Variants in PKD1 observed in about 807,000 individuals in gnomAD.
PKD1 encodes the protein polycystin-1.
In PKD1, 81 loss-of-function variants were observed where a neutral mutation model predicts 361.7. The observed-to-expected ratio is 0.22, with a 90% CI of 0.19 to 0.27. The LOEUF is 0.27. Among genes scored for constraint, PKD1 ranks in the 10% least tolerant of loss-of-function variants. The probability of loss-of-function intolerance (pLI) is 1.00; values close to 1 mark genes in which losing one functional copy is unlikely to be tolerated. For synonymous variants in PKD1, 3,615 were observed against 2,818.3 expected (o/e 1.28, Z -8.95); for missense variants, 6,399 against 6,118.3 (o/e 1.05, Z -1.53).
intron 14 of PKD1, among the ~76,000 whole-genome samples, chr16:2,112,137 C>T (rs1425301883): frequency 2.6e-5 from 4 of 152,206 alleles, no homozygotes; most frequent in African/African-American, 7.2e-5. Flanking sequence ...GGGCGGGGGG[C>T]GCAGTTCAGG....
Position 2,108,431 on chromosome 16 carries a change from G to C in PKD1, c.6736C>G (p.Gln2246Glu). 1.9e-6 allele frequency: 3 copies of C among 1,610,522 alleles called. No homozygotes were observed. The highest frequency in any genetic ancestry group is 2.5e-6 in the Non-Finnish European group (3 of 1,179,726). The change falls in exon 15 of 46, where the codon CAG becomes GAG. Residue 2246 changes from glutamine to glutamate, a missense_variant. Coordinates refer to ENST00000262304, the MANE Select transcript of PKD1 (RefSeq NM_001009944.3). The part of the protein sequence containing the change: ...FGDTPLTQSI[Q>E]ANVTVAPERL... ...TCGGGGGCCACCGTCACATTGGCCT[G>C]GATGCTCTGTGTCAGTGGCGTGTCC...
At position 2,106,227 on chromosome 16, in the gene PKD1, C is replaced by G; in HGVS notation, c.7567G>C (p.Glu2523Gln). The G allele has an allele frequency of 6.2e-7, 1 of 1,610,216 alleles. No individual in the cohort carries two copies. Among genetic ancestry groups the G allele is most frequent in the Non-Finnish European group, 8.5e-7 (1 of 1,179,548 alleles). Residue 2523 changes from glutamate to glutamine, a missense_variant, in exon 19 of 46, where the codon GAG (glutamate) becomes CAG (glutamine). Coordinates refer to ENST00000262304, the MANE Select transcript of PKD1 (RefSeq NM_001009944.3). The surrounding 1 kb of genome is among the most constrained non-coding windows in gnomAD (Gnocchi z 6.5). ...CTGCCCTTGTAGACACAGAACTCCT[C>G]GCAGTGGCCCTGGCGACAGCGCCGC... ...LLRRCRQGHC[E>Q]EFCVYKGSLS...
At chr16:2,121,575 GC>G (rs1458370863) in intron 1 of PKD1, among the ~76,000 whole-genome samples, 1 of 152,100 alleles carries the variant, frequency 6.6e-6, no homozygotes, top group Non-Finnish European at 1.5e-5. Context: ...TTTCAGAGCT[GC>G]CCGAGTTACA....
chr16:2,097,251 C>G lies in PKD1; in HGVS notation c.10406-10G>C. 6.3e-7 allele frequency: 1 copy of G among 1,595,480 alleles called. No individual in the cohort carries two copies. The highest frequency in any genetic ancestry group is 1.1e-5 in the South Asian group (1 of 88,460). On this transcript the variant is annotated splice_polypyrimidine_tract_variant and intron_variant, in intron 33 of 45. Transcript: ENST00000262304. ...TGGATCAGGTCTTCATCTAGAGGTA[C>G]AGGAGGCATAGGGTGGGCCCAGCTG...
In PKD1 at chr16:2,089,307, T is replaced by C. The variant is rs752613073; in HGVS notation, c.*420A>G. The C allele has an allele frequency of 3.4e-5, 9 of 261,466 alleles. No homozygotes were observed. The highest frequency in any genetic ancestry group is 6.6e-5 in the Non-Finnish European group (9 of 136,298). The allele number at this position is 261,466 out of a possible 1,614,324, so 16.2% of individuals were successfully genotyped here. ...TGACACGAGACACACAGTGAGACGG[T>C]GCAGGGAGTACGGTAGGAACTGGAG... On this transcript the variant is annotated 3_prime_UTR_variant, in exon 46 of 46. Coordinates refer to ENST00000262304, the MANE Select transcript of PKD1 (RefSeq NM_001009944.3).
intron 14 of PKD1, among the ~76,000 whole-genome samples, 157 bp downstream of exon 14, chr16:2,112,183 C>A (rs1458341895): frequency 6.6e-6 from 1 of 152,230 alleles, no homozygotes; most frequent in Non-Finnish European, 1.5e-5. Context: ...CCACGCCTGG[C>A]CCCTCCCTCA....
Position 2,112,905 on chromosome 16 carries a change from C to A in PKD1, c.3044G>T (p.Arg1015Leu). 1.9e-6 allele frequency: 3 copies of A among 1,606,718 alleles called. No individual in the cohort carries two copies. Among genetic ancestry groups the A allele is most frequent in the Non-Finnish European group, 2.5e-6 (3 of 1,179,766 alleles). ...CTGCAGACCCTGCATCCTGTTCATC[C>A]GCTCCACGGTTACGTTGTAGTTCAC... is the stretch of plus-strand genomic sequence containing the variant. ...VTVNYNVTVE[R>L]MNRMQGLQVS... is the part of the protein sequence containing the mutation. The change falls in exon 13 of 46, where the codon CGG (arginine) becomes CTG (leucine). Residue 1015 changes from arginine (R) to leucine (L), a missense_variant. Physicochemically the swap from Arg to Leu is moderately radical, Grantham distance 102 (BLOSUM62 -2). Transcript: ENST00000262304.
intron 11 of PKD1, chr16:2,113,661 G>A: frequency 7.5e-6 from 3 of 397,900 alleles, no homozygotes; most frequent in Non-Finnish European, 1.4e-5. Flanking sequence ...ACCTACACTG[G>A]CTTACAGAAC....
At chr16:2,135,263 G>T (rs2092937070) in intron 1 of PKD1, 1 of 985,136 alleles carries the variant, frequency 1.0e-6, no homozygotes, top group Non-Finnish European at 1.2e-6. Flanking sequence ...CGGGTGGGAC[G>T]TCTGTCTCCA....
intron 1 of PKD1, among the ~76,000 whole-genome samples, chr16:2,123,800 A>G (rs933972077): frequency 2.0e-5 from 3 of 152,258 alleles, no homozygotes; most frequent in African/African-American, 7.2e-5. Flanking sequence ...AGTTCCTGCT[A>G]TGAGCTGGAA....
Position 2,090,734 on chromosome 16 carries a change from G to C in PKD1, c.12078C>G (p.Leu4026=), listed in dbSNP as rs562488184. ...CCACCAGGCCCAAGGTGACCCCCAG[G>C]AGCTCTGGCAGAGCTCGGCATAATG... is the stretch of plus-strand genomic sequence containing the variant. ...GKTLCRALPE[L]LGVTLGLVVL... The change falls in exon 44 of 46, where the codon CTC becomes CTG. Residue 4026 remains leucine, a synonymous_variant. Transcript: ENST00000262304. The C allele has an allele frequency of 1.9e-6, 3 of 1,612,540 alleles. No homozygotes were observed. The highest frequency in any genetic ancestry group is 1.1e-5 in the South Asian group (1 of 91,094).
chr16:2,105,263 G>A (rs1235458518), intron 21 of PKD1, 59 bp downstream of exon 21: 5 of 1,568,838 alleles, frequency 3.2e-6, no homozygotes, highest in African/African-American at 2.7e-5. Context: ...GCCCTGGGGG[G>A]CTGAACCCAG....
At chr16:2,107,057 G>C in intron 16 of PKD1, 109 bp from the exon 17 acceptor site, 1 of 1,008,398 alleles carries the variant, frequency 9.9e-7, no homozygotes, top group Non-Finnish European at 1.5e-6. Flanking sequence ...CCAGGGGCCT[G>C]GCCACTGCCG....
In PKD1 at chr16:2,134,518, A is replaced by G. The variant is rs564051702; in HGVS notation, c.215+957T>C. ...CAAGACTCTCCCCAGCGCTGGGGAC[A>G]ACTGTCTGCTTATCTTAGTCCCCTC... On this transcript the variant is annotated intron_variant, in intron 1 of 45. Transcript: ENST00000262304. Among the ~76,000 whole-genome samples the G allele has an allele frequency of 3.5e-5, 5 of 141,644 alleles. No individual in the cohort carries two copies. The East Asian group carries it at 9.7e-4, about 28-fold the overall frequency. The allele number at this position is 141,644 out of a possible 152,430, so 92.9% of individuals were successfully genotyped here. A position where few individuals can be genotyped will look rare whatever the true frequency, so the allele number is the denominator to read the frequency against.
chr16:2,099,625 G>GT lies in PKD1; in HGVS notation c.10050+18dup. 6.3e-7 allele frequency: 1 copy of GT among 1,581,876 alleles called. No homozygotes were observed. Among genetic ancestry groups the GT allele is most frequent in the Non-Finnish European group, 8.5e-7 (1 of 1,172,578 alleles). ...CAGGCTCCATTCCCAGTACTCCCGG[G>GT]TCCCCAGCCCCAGCCCACCTTGCTC... is the stretch of plus-strand genomic sequence containing the variant. On this transcript the variant is annotated intron_variant, in intron 30 of 45. Transcript: ENST00000262304.
chr16:2,129,391 G>C (rs1340812158), intron 1 of PKD1, among the ~76,000 whole-genome samples: 1 of 151,592 alleles, frequency 6.6e-6, no homozygotes, highest in Non-Finnish European at 1.5e-5. Flanking sequence ...CTCTCCTAAA[G>C]TGCTGGGATT....
chr16:2,103,211 C>T, intron 23 of PKD1, 55 bp downstream of exon 23: 1 of 1,577,444 alleles, frequency 6.3e-7, no homozygotes, highest in Admixed American at 1.7e-5. Context: ...CGAGAAACGC[C>T]TTCCCCCCAA....
chr16:2,106,150 C>A lies in PKD1; in HGVS notation c.7644G>T (p.Glu2548Asp). The A allele has an allele frequency of 6.2e-7, 1 of 1,607,578 alleles. No homozygotes were observed. Among genetic ancestry groups the A allele is most frequent in the Non-Finnish European group, 8.5e-7 (1 of 1,178,356 alleles). ...VLPPGFRPHF[E>D]VGLAVVVQDQ... The stretch of plus-strand genomic sequence containing the variant: ...CCTGCACCACCACGGCCAGGCCCAC[C>A]TCGAAGTGTGGCCTGAAACCCGGGG... The change falls in exon 19 of 46, where the codon GAG (glutamate) becomes GAT (aspartate). Residue 2548 changes from glutamate (E) to aspartate (D), a missense_variant. Glu to Asp is a conservative substitution (Grantham distance 45). Coordinates refer to ENST00000262304, the MANE Select transcript of PKD1 (RefSeq NM_001009944.3). The surrounding 1 kb of genome is among the most constrained non-coding windows in gnomAD (Gnocchi z 6.5).
rs937353360 is a variant in PKD1 at position 2,090,188 on chromosome 16, G to A, written c.12451C>T (p.His4151Tyr). The A allele has an allele frequency of 1.9e-6, 3 of 1,604,448 alleles. No homozygotes were observed. Among genetic ancestry groups the A allele is most frequent in the East Asian group, 2.2e-5 (1 of 44,734 alleles). Residue 4151 changes from histidine to tyrosine, a missense_variant, in exon 46 of 46, where the codon CAC becomes TAC. By Grantham distance (83) the His-to-Tyr change is moderately conservative. Coordinates refer to ENST00000262304, the MANE Select transcript of PKD1 (RefSeq NM_001009944.3). Reference protein sequence around the residue: ...MGLSKVKEFRHKVRFEGMEPL... With the variant: ...MGLSKVKEFRYKVRFEGMEPL... The stretch of plus-strand genomic sequence containing the variant: ...TCCATCCCTTCAAAGCGGACTTTGT[G>A]GCGGAACTGGGGGCGGCACAGGGGC...
Sources: gnomAD v4.1 joint callset for allele counts (sites outside exome capture counted in the v4.1 genomes callset) on GRCh38, gnomAD v4.1.1 for gene constraint, Gnocchi (gnomAD v3.1) non-coding constraint, MANE v1.5 for transcripts, NCBI Gene and HGNC (gene_info 2026-07-23, HGNC 2026-07-21) for gene names.